The following KDM2B variants were observed in gnomAD, a reference collection of about 807,000 sequenced individuals.
KDM2B encodes lysine demethylase 2B, also known as lysine-specific demethylase 2B.
A neutral mutation model predicts 150.0 loss-of-function variants in KDM2B; 26 were observed. The ratio of observed to expected loss-of-function variants is 0.17; its 90% CI spans 0.13 to 0.24. The LOEUF is 0.24. KDM2B is among the 10% of genes least tolerant of loss of function. The pLI is 1.00. For missense variants in KDM2B, 1,265 were observed against 1,816.9 expected (o/e 0.70, Z 5.52); for synonymous variants, 734 against 729.5 (o/e 1.01, Z -0.10).
intron 16 of KDM2B, 85 bp downstream of exon 16, chr12:121,443,926 GC>G: frequency 6.7e-7 from 1 of 1,500,920 alleles, no homozygotes; most frequent in Non-Finnish European, 9.0e-7. Context: ...TCTACCTGCT[GC>G]CCACCCCCTG....
chr12:121,487,988 G>A lies in KDM2B; in HGVS notation c.1734+6591C>T, dbSNP rs375443201. Reference sequence around the variant, plus strand: ...AGTACAGGCAGGGTTTCACCATGTTGGCCAGGCTAGTCTCGAACTCCTGAC... The same window carrying A: ...AGTACAGGCAGGGTTTCACCATGTTAGCCAGGCTAGTCTCGAACTCCTGAC... On this transcript the variant is annotated intron_variant, in intron 12 of 22. Transcript: ENST00000377071. 8.8e-4 allele frequency among the ~76,000 whole-genome samples: 134 copies of A among 151,942 alleles called. No individual in the cohort carries two copies. In the South Asian group the frequency reaches 0.021, roughly 24 times the overall value.
the KDM2B span, among the ~76,000 whole-genome samples, chr12:121,415,468 T>C: frequency 6.6e-6 from 1 of 151,864 alleles, no homozygotes; most frequent in South Asian, 2.1e-4. Flanking sequence ...TAAAAATAAA[T>C]TAGCCAAGTG....
chr12:121,476,451 C>T (rs1468482495), intron 12 of KDM2B, among the ~76,000 whole-genome samples: 2 of 151,332 alleles, frequency 1.3e-5, no homozygotes, highest in Admixed American at 6.6e-5. Context: ...ACAAGACAAG[C>T]GGCATCCAAC....
intron 2 of KDM2B, among the ~76,000 whole-genome samples, chr12:121,576,806 C>T (rs962089989): frequency 6.6e-6 from 1 of 152,154 alleles, no homozygotes; most frequent in Non-Finnish European, 1.5e-5. Flanking sequence ...AAGGCCTCTC[C>T]GACCGTCAGA....
chr12:121,543,126 G>A (rs367986886), intron 6 of KDM2B, among the ~76,000 whole-genome samples: 5 of 152,046 alleles, frequency 3.3e-5, no homozygotes, highest in South Asian at 2.1e-4. Context: ...AGGCTGAGGC[G>A]GGTAGATCAC....
At position 121,520,912 on chromosome 12, in the gene KDM2B, T is replaced by C; in HGVS notation, c.1047+73A>G. 9.5e-7 allele frequency: 1 copy of C among 1,050,830 alleles called. No individual in the cohort carries two copies. The highest frequency in any genetic ancestry group is 1.4e-6 in the Non-Finnish European group (1 of 699,360). The allele number at this position is 1,050,830 out of a possible 1,614,324, so 65.1% of individuals were successfully genotyped here. A position where few individuals can be genotyped will look rare whatever the true frequency, so the allele number is the denominator to read the frequency against. On this transcript the variant is annotated intron_variant, in intron 9 of 22. Transcript: ENST00000377071. This position sits in a 1 kb window ranked among gnomAD's most constrained non-coding sequence, Gnocchi z 4.5. ...AACTGTGGAGGACTTCAGTATGACC[T>C]GTCCCACACACCGAGCACCGGCAGA...
At chr12:121,412,111 G>C in the KDM2B span, among the ~76,000 whole-genome samples, 1 of 152,140 alleles carries the variant, frequency 6.6e-6, no homozygotes, top group Non-Finnish European at 1.5e-5. Context: ...ACCCAGGCTG[G>C]AGTGCAGTGG....
the KDM2B span, among the ~76,000 whole-genome samples, chr12:121,411,185 C>T: frequency 6.6e-6 from 1 of 152,154 alleles, no homozygotes; most frequent in Non-Finnish European, 1.5e-5. Context: ...ACCTTGGCCA[C>T]CTAAAGTGCT....
intron 12 of KDM2B, among the ~76,000 whole-genome samples, chr12:121,489,878 T>C (rs1475674628): frequency 6.6e-6 from 1 of 152,174 alleles, no homozygotes; most frequent in Non-Finnish European, 1.5e-5. Context: ...TGGGGACTGG[T>C]CCTCATTACA....
At chr12:121,419,547 T>C in the KDM2B span, among the ~76,000 whole-genome samples, 4 of 147,690 alleles carry the variant, frequency 2.7e-5, no homozygotes, top group East Asian at 7.9e-4. Flanking sequence ...ATGTGGATTG[T>C]TGGATGCTAC....
intron 4 of KDM2B, among the ~76,000 whole-genome samples, chr12:121,565,453 G>C (rs1555314676): frequency 1.3e-5 from 2 of 149,092 alleles, no homozygotes; most frequent in African/African-American, 5.0e-5. Context: ...GAGTAGCTAG[G>C]ATTACAGGCA....
Position 121,430,239 on chromosome 12 carries a change from G to A in KDM2B, c.*49C>T. 2 of 1,614,088 alleles carry A rather than the reference G, an allele frequency of 1.2e-6. No individual in the cohort carries two copies. Among genetic ancestry groups the A allele is most frequent in the Admixed American group, 3.3e-5 (2 of 60,008 alleles). On this transcript the variant is annotated 3_prime_UTR_variant, in exon 23 of 23. Transcript: ENST00000377071. This position sits in a 1 kb window ranked among gnomAD's most constrained non-coding sequence, Gnocchi z 4.4. ...AAATAAAAGCCCTCATTTTTGTAAA[G>A]TCTCTCCCCTCCCAGAGCCCGCCCC...
chr12:121,570,048 GGTTTT>G (rs1196701289), intron 4 of KDM2B, among the ~76,000 whole-genome samples: 2 of 151,324 alleles, frequency 1.3e-5, no homozygotes, highest in Admixed American at 6.6e-5. Context: ...GGGTTTTTTT[GGTTTT>G]GTTTTGTTTT....
intron 4 of KDM2B, among the ~76,000 whole-genome samples, chr12:121,559,796 G>A (rs567361330): frequency 1.4e-4 from 21 of 151,910 alleles, no homozygotes; most frequent in East Asian, 5.8e-4. Context: ...CCAGCTACTC[G>A]GAAGGCTGAG....
At chr12:121,427,868 C>T (rs558960174), downstream of KDM2B, among the ~76,000 whole-genome samples, 24 of 152,310 alleles carry the variant, frequency 1.6e-4, no homozygotes, top group African/African-American at 5.1e-4. Context: ...TGAGTGACTA[C>T]GGGATCCGTT....
At chr12:121,493,155 C>A (rs890964371) in intron 12 of KDM2B, among the ~76,000 whole-genome samples, 1 of 149,826 alleles carries the variant, frequency 6.7e-6, no homozygotes, top group Non-Finnish European at 1.5e-5. Flanking sequence ...TGATCCTCCC[C>A]CCTCAGCTTC....
rs782175262 is a variant in KDM2B, at chr12:121,441,189, C to T, written c.3329G>A (p.Cys1110Tyr). The T allele has an allele frequency of 7.4e-6, 12 of 1,614,050 alleles. No individual in the cohort carries two copies. In the East Asian group the frequency reaches 1.8e-4, roughly 24 times the overall value. ...RLWTRIDLNH[C>Y]KSITPLMLSG... is the part of the protein sequence containing the mutation. ...CAGCATCAGGGGTGTGATAGACTTG[C>T]AGTGGTTCAGGTCAATGCGGGTCCA... Residue 1110 changes from cysteine to tyrosine, a missense_variant, in exon 20 of 23, where the codon TGC becomes TAC. Physicochemically the swap from Cys to Tyr is radical, Grantham distance 194. Transcript: ENST00000377071.
At chr12:121,424,722 A>G (rs782245420), downstream of KDM2B, among the ~76,000 whole-genome samples, 1 of 151,528 alleles carries the variant, frequency 6.6e-6, no homozygotes, top group East Asian at 1.9e-4. Context: ...AAAAAAAAAA[A>G]AAAGAAAAAA....
chr12:121,505,265 A>G (rs1884964156), intron 11 of KDM2B, among the ~76,000 whole-genome samples: 1 of 150,714 alleles, frequency 6.6e-6, no homozygotes, highest in African/African-American at 2.5e-5. Context: ...CAGCCTGGGC[A>G]ACAGAGTGAG....
Sources: allele counts gnomAD v4.1 joint callset (sites outside exome capture counted in the v4.1 genomes callset), GRCh38; gene constraint gnomAD v4.1.1; non-coding constraint Gnocchi (gnomAD v3.1); transcripts MANE v1.5; gene names NCBI Gene and HGNC (gene_info 2026-07-23, HGNC 2026-07-21).